ZNF33B: variants seen among roughly 807,000 people sequenced by gnomAD.
The protein encoded by ZNF33B is zinc finger protein 11b (KOX 2).
In ZNF33B, 29 loss-of-function variants were observed where a neutral mutation model predicts 45.8. The ratio of observed to expected loss-of-function variants is 0.63; its 90% CI spans 0.47 to 0.86. ZNF33B has a LOEUF of 0.86. ZNF33B is among the 40% of genes least tolerant of loss of function. The pLI, the probability that ZNF33B is intolerant of heterozygous loss-of-function variation, is 0.00. For missense variants in ZNF33B, 831 were observed against 909.9 expected (o/e 0.91, Z 1.12); for synonymous variants, 305 against 307.8 (o/e 0.99, Z 0.10).
intron 4 of ZNF33B, among the ~76,000 whole-genome samples, chr10:42,608,233 T>C (rs1465287791): frequency 6.6e-6 from 1 of 151,824 alleles, no homozygotes; most frequent in Non-Finnish European, 1.5e-5. Flanking sequence ...AAAGAAAAAA[T>C]ACACAAGTCT....
chr10:42,594,747 C>G (rs1173709687), intron 4 of ZNF33B, 48 bp from the exon 5 acceptor site: 2 of 1,506,622 alleles, frequency 1.3e-6, no homozygotes, highest in Admixed American at 2.4e-5. Flanking sequence ...CAAAACATCT[C>G]TTAGGGAATG....
intron 4 of ZNF33B, among the ~76,000 whole-genome samples, chr10:42,624,628 G>A (rs1376771543): frequency 6.6e-6 from 1 of 152,118 alleles, no homozygotes; most frequent in Non-Finnish European, 1.5e-5. Context: ...TGCTGGCATC[G>A]CTACTCTTGC....
intron 4 of ZNF33B, among the ~76,000 whole-genome samples, chr10:42,602,305 G>C: frequency 6.9e-6 from 1 of 145,886 alleles, no homozygotes; most frequent in East Asian, 2.0e-4. Flanking sequence ...ACTGAATTTT[G>C]ATTTGTTTTT....
chr10:42,599,952 T>C (rs1187891857), intron 4 of ZNF33B, among the ~76,000 whole-genome samples: 2 of 152,144 alleles, frequency 1.3e-5, no homozygotes, highest in Non-Finnish European at 2.9e-5. Context: ...ATCCATTACA[T>C]AGACTTATAT....
At chr10:42,575,578 G>GC (rs749712509) in intron 1 of ZNF33B, among the ~76,000 whole-genome samples, 18 of 151,828 alleles carry the variant, frequency 1.2e-4, no homozygotes, top group Non-Finnish European at 2.5e-4. Flanking sequence ...TTTCATGTAT[G>GC]CCCCTAATAT....
intron 4 of ZNF33B, among the ~76,000 whole-genome samples, chr10:42,607,986 G>T (rs1837937521): frequency 6.6e-6 from 1 of 152,116 alleles, no homozygotes; most frequent in Non-Finnish European, 1.5e-5. Context: ...ATACAAACAG[G>T]TTGAAAATTT....
At chr10:42,612,420 G>A (rs557552882) in intron 4 of ZNF33B, among the ~76,000 whole-genome samples, 5 of 151,910 alleles carry the variant, frequency 3.3e-5, no homozygotes, top group Non-Finnish European at 7.4e-5. Flanking sequence ...ATTTTTAATA[G>A]AGACAGGGTT....
chr10:42,577,130 C>G (rs1353593244), intron 1 of ZNF33B, among the ~76,000 whole-genome samples: 2 of 49,290 alleles, frequency 4.1e-5, no homozygotes, highest in Non-Finnish European at 7.7e-5. Flanking sequence ...AAGACTCCAT[C>G]TCAAAAAAAA....
chr10:42,632,077 C>T, intron 3 of ZNF33B, 53 bp from the exon 4 acceptor site: 1 of 1,579,948 alleles, frequency 6.3e-7, no homozygotes, highest in Middle Eastern at 1.7e-4. Flanking sequence ...GACTTCAGGC[C>T]TTTGAAGCAG....
chr10:42,605,747 T>A (rs1433672917), intron 4 of ZNF33B, among the ~76,000 whole-genome samples: 1 of 152,172 alleles, frequency 6.6e-6, no homozygotes, highest in Non-Finnish European at 1.5e-5. Flanking sequence ...TATGTATAAG[T>A]CAATGTTTAT....
At position 42,620,986 on chromosome 10, in the gene ZNF33B, C is replaced by T. The variant is rs11239706; in HGVS notation, c.250+10943G>A. ...AAGCAGCATCCTGAAACATGTAAAGCAAACACAGAATGCAAGGGAGAAACT... is the reference window on the plus strand; with the variant it reads ...AAGCAGCATCCTGAAACATGTAAAGTAAACACAGAATGCAAGGGAGAAACT... On this transcript the variant is annotated intron_variant, in intron 4 of 4. Transcript: ENST00000359467. 5.4e-3 allele frequency among the ~76,000 whole-genome samples: 821 copies of T among 151,992 alleles called. 31 individuals carry two copies. In the East Asian group the frequency reaches 0.084, roughly 16 times the overall value.
Position 42,632,325 on chromosome 10 carries a change from G to T in ZNF33B, c.124C>A (p.Leu42Met). 1 of 1,606,466 alleles carries T rather than the reference G, an allele frequency of 6.2e-7. No homozygotes were observed. The highest frequency in any genetic ancestry group is 8.5e-7 in the Non-Finnish European group (1 of 1,177,476). The change falls in exon 3 of 5, where the codon CTG (leucine) becomes ATG (methionine). Residue 42 changes from leucine (L) to methionine (M), a missense_variant. Coordinates refer to ENST00000359467, the MANE Select transcript of ZNF33B (RefSeq NM_006955.3). Reference protein sequence around the residue: ...SQRALYRDVMLENYSNLVSVG... With the variant: ...SQRALYRDVMMENYSNLVSVG... ...GAGACAAGGTTGCTGTAGTTCTCCA[G>T]CATCACATCTCTATACAGAGCCCTC...
chr10:42,601,411 ATG>A (rs1837610906), intron 4 of ZNF33B, among the ~76,000 whole-genome samples: 1 of 148,030 alleles, frequency 6.8e-6, no homozygotes, highest in Admixed American at 6.8e-5. Flanking sequence ...CTCCAATTCC[ATG>A]TGTGTTAAGA....
chr10:42,586,455 TTTTCAAAGAGACGAAGTCTCACTCTGTC>T (rs1412395697), downstream of ZNF33B, among the ~76,000 whole-genome samples: 1 of 151,464 alleles, frequency 6.6e-6, no homozygotes, highest in African/African-American at 2.4e-5. Context: ...AGCCTTTTGT[TTTTCAAAGAGACGAAGTCTCACTCTGTC>T]ACCCAGGCTG....
chr10:42,579,935 C>T (rs1836800808), intron 1 of ZNF33B: 1 of 154,322 alleles, frequency 6.5e-6, no homozygotes, highest in African/African-American at 2.4e-5. Context: ...TCCAATCATA[C>T]CATGTTAAGA....
chr10:42,625,511 C>A (rs1029029459), intron 4 of ZNF33B, among the ~76,000 whole-genome samples: 1 of 152,124 alleles, frequency 6.6e-6, no homozygotes, highest in African/African-American at 2.4e-5. Flanking sequence ...CGGAGTTTCA[C>A]TCTTGTTGCC....
At chr10:42,580,234 T>G (rs1836804897) in intron 1 of ZNF33B, among the ~76,000 whole-genome samples, 1 of 152,102 alleles carries the variant, frequency 6.6e-6, no homozygotes, top group African/African-American at 2.4e-5. Flanking sequence ...CCATGGTTTT[T>G]GTTTCTTTTC....
intron 4 of ZNF33B, among the ~76,000 whole-genome samples, chr10:42,618,044 T>A (rs1434887319): frequency 6.6e-6 from 1 of 152,184 alleles, no homozygotes; most frequent in Admixed American, 6.5e-5. Context: ...CATTTAGACC[T>A]GCTTAGGAGC....
intron 4 of ZNF33B, among the ~76,000 whole-genome samples, chr10:42,619,300 T>A (rs1281704593): frequency 6.6e-6 from 1 of 152,102 alleles, no homozygotes; most frequent in Non-Finnish European, 1.5e-5. Context: ...GGAGCTCATA[T>A]CTCCGCAGAA....
Sources: allele counts gnomAD v4.1 joint callset (sites outside exome capture counted in the v4.1 genomes callset), GRCh38; gene constraint gnomAD v4.1.1; transcripts MANE v1.5; gene names NCBI Gene and HGNC (gene_info 2026-07-23, HGNC 2026-07-21).